The following EPM2A variants were observed in gnomAD, a reference collection of about 807,000 sequenced individuals.
The protein encoded by EPM2A is EPM2A glucan phosphatase, laforin.
In EPM2A, 21 loss-of-function variants were observed where a neutral mutation model predicts 26.5. The ratio of observed to expected loss-of-function variants is 0.79; its 90% CI spans 0.56 to 1.14. The LOEUF (loss-of-function observed/expected upper bound fraction) is 1.14, where lower values mean the gene tolerates loss of function less well. Ranked by LOEUF, EPM2A falls within the 50% of genes most tolerant of loss-of-function variation. The pLI is 0.00. For missense variants in EPM2A, 458 were observed against 440.8 expected (o/e 1.04, Z -0.35); for synonymous variants, 217 against 177.6 (o/e 1.22, Z -1.76).
At chr6:145,553,165 C>T (rs1347336607) in intron 2 of EPM2A, among the ~76,000 whole-genome samples, 1 of 152,092 alleles carries the variant, frequency 6.6e-6, no homozygotes, top group Non-Finnish European at 1.5e-5. Context: ...CCCCTGCTTG[C>T]ACTCATTCTC....
intron 1 of EPM2A, among the ~76,000 whole-genome samples, chr6:145,711,387 A>G (rs771944211): frequency 5.3e-5 from 8 of 152,232 alleles, no homozygotes; most frequent in Non-Finnish European, 7.3e-5. Context: ...GTGTCTTTAA[A>G]TCAGGAACAC....
At chr6:145,421,525 A>G (rs1778780556) in intron 4 of EPM2A, among the ~76,000 whole-genome samples, 1 of 152,120 alleles carries the variant, frequency 6.6e-6, no homozygotes. Flanking sequence ...TTTCTGTACA[A>G]AGATGTTTAT....
chr6:145,617,915 C>T (rs893428240), intron 2 of EPM2A, among the ~76,000 whole-genome samples: 1 of 152,156 alleles, frequency 6.6e-6, no homozygotes, highest in Non-Finnish European at 1.5e-5. Context: ...TGTACTCCAA[C>T]CTGGATGACA....
intron 4 of EPM2A, among the ~76,000 whole-genome samples, chr6:145,440,068 G>T (rs1344959623): frequency 1.3e-5 from 2 of 152,154 alleles, no homozygotes; most frequent in Non-Finnish European, 2.9e-5. Flanking sequence ...TTATTGAATA[G>T]GGAGTTATAT....
intron 4 of EPM2A, among the ~76,000 whole-genome samples, chr6:145,392,830 G>T (rs1314875968): frequency 6.6e-6 from 1 of 152,052 alleles, no homozygotes; most frequent in Non-Finnish European, 1.5e-5. Context: ...TCCTAAAACT[G>T]ATCTTGTACT....
intron 2 of EPM2A, among the ~76,000 whole-genome samples, chr6:145,660,209 C>A (rs1778587689): frequency 6.6e-6 from 1 of 151,986 alleles, no homozygotes; most frequent in Non-Finnish European, 1.5e-5. Context: ...CAAAATCATT[C>A]CTCAGGTATT....
intron 2 of EPM2A, among the ~76,000 whole-genome samples, chr6:145,541,288 A>C (rs1022770693): frequency 1.7e-4 from 25 of 150,062 alleles, no homozygotes; most frequent in Non-Finnish European, 3.0e-4. Flanking sequence ...TATATATAAA[A>C]AACACCAATT....
At chr6:145,735,604 C>G (rs912063858), upstream of EPM2A, 3 of 1,080,598 alleles carry the variant, frequency 2.8e-6, no homozygotes, top group African/African-American at 1.7e-5. Flanking sequence ...GTGGGAGCCC[C>G]GGGCACCGGG....
At chr6:145,395,777 TC>T (rs970862626) in intron 4 of EPM2A, among the ~76,000 whole-genome samples, 9 of 152,266 alleles carry the variant, frequency 5.9e-5, no homozygotes, top group African/African-American at 1.9e-4. Flanking sequence ...TAAAGGAAAC[TC>T]CCTTACTCAA....
chr6:145,392,265 C>G (rs1260158168), intron 4 of EPM2A, among the ~76,000 whole-genome samples: 1 of 152,174 alleles, frequency 6.6e-6, no homozygotes, highest in Non-Finnish European at 1.5e-5. Context: ...TATGAGAACT[C>G]TAAACATGTT....
chr6:145,675,901 G>A (rs1330538064), intron 2 of EPM2A, among the ~76,000 whole-genome samples: 3 of 152,104 alleles, frequency 2.0e-5, no homozygotes, highest in Non-Finnish European at 4.4e-5. Context: ...AGGATATCCA[G>A]GACTTGAACT....
At chr6:145,386,060 G>T (rs1778257616) in intron 4 of EPM2A, among the ~76,000 whole-genome samples, 1 of 151,902 alleles carries the variant, frequency 6.6e-6, no homozygotes, top group African/African-American at 2.4e-5. Flanking sequence ...TTGCTAAAGA[G>T]CTGTACTTTA....
At chr6:145,712,511 A>G (rs770706995) in intron 1 of EPM2A, among the ~76,000 whole-genome samples, 8 of 152,152 alleles carry the variant, frequency 5.3e-5, no homozygotes, top group African/African-American at 1.2e-4. Flanking sequence ...GACAAAGCAC[A>G]AGCAAAGCAA....
At chr6:145,484,670 A>C (rs970587630) in intron 4 of EPM2A, among the ~76,000 whole-genome samples, 2 of 152,066 alleles carry the variant, frequency 1.3e-5, no homozygotes, top group African/African-American at 4.8e-5. Context: ...TGTTCAGAGG[A>C]TTAATAAAAA....
chr6:145,613,774 A>C (rs1463734463), intron 2 of EPM2A, among the ~76,000 whole-genome samples: 1 of 152,204 alleles, frequency 6.6e-6, no homozygotes, highest in South Asian at 2.1e-4. Flanking sequence ...TCAGTAAACC[A>C]TATTGTAAAG....
chr6:145,649,131 T>C (rs562156793), intron 2 of EPM2A, among the ~76,000 whole-genome samples: 6 of 152,302 alleles, frequency 3.9e-5, no homozygotes, highest in African/African-American at 1.4e-4. Flanking sequence ...CTGGATTCAA[T>C]AAGCAGTTTC....
intron 4 of EPM2A, among the ~76,000 whole-genome samples, chr6:145,426,844 T>G (rs1582746484): frequency 6.6e-6 from 1 of 152,236 alleles, no homozygotes; most frequent in South Asian, 2.1e-4. Context: ...GAGACTGTAT[T>G]TTATTCAATA....
chr6:145,500,313 A>G (rs561788544), downstream of EPM2A, among the ~76,000 whole-genome samples: 4 of 152,262 alleles, frequency 2.6e-5, no homozygotes, highest in East Asian at 1.9e-4. Context: ...TCTTTGTTTG[A>G]TTTTCTACAG....
intron 4 of EPM2A, among the ~76,000 whole-genome samples, chr6:145,479,767 C>T (rs1204793997): frequency 3.3e-5 from 5 of 151,974 alleles, no homozygotes; most frequent in African/African-American, 1.2e-4. Flanking sequence ...TTCTGGGTAC[C>T]TACCTAGCAG....
Sources: gnomAD v4.1 joint callset for allele counts (sites outside exome capture counted in the v4.1 genomes callset) on GRCh38, gnomAD v4.1.1 for gene constraint, MANE v1.5 for transcripts, NCBI Gene and HGNC (gene_info 2026-07-23, HGNC 2026-07-21) for gene names.